The following VWA8 variants were observed in gnomAD, a reference collection of about 807,000 sequenced individuals.
VWA8 encodes the protein von Willebrand factor A domain containing 8.
VWA8 carries 221 observed loss-of-function variants against 241.5 expected under a neutral mutation model. That is an observed-to-expected ratio of 0.91 (90% CI 0.82 to 1.02). The LOEUF is 1.02. VWA8 is among the 50% of genes least tolerant of loss of function. The probability of loss-of-function intolerance (pLI) is 0.00; values close to 1 mark genes in which losing one functional copy is unlikely to be tolerated. For missense variants in VWA8, 2,322 were observed against 2,328.7 expected (o/e 1.00, Z 0.06); for synonymous variants, 852 against 827.1 (o/e 1.03, Z -0.52).
At chr13:41,711,806 G>A (rs867419862) in intron 26 of VWA8, among the ~76,000 whole-genome samples, 57 of 151,980 alleles carry the variant, frequency 3.8e-4, no homozygotes, top group Middle Eastern at 3.4e-3. Flanking sequence ...CCTGGGAGGC[G>A]GAGCTTACAG....
chr13:41,809,680 A>C (rs1205857209), intron 17 of VWA8, among the ~76,000 whole-genome samples: 1 of 152,228 alleles, frequency 6.6e-6, no homozygotes, highest in Non-Finnish European at 1.5e-5. Flanking sequence ...ACTCTCCAAG[A>C]CATTGGTCAG....
Position 41,589,497 on chromosome 13 carries a change from T to C in VWA8, c.5112+1143A>G, listed in dbSNP as rs1015459782. Among the ~76,000 whole-genome samples the C allele has an allele frequency of 4.6e-5, 7 of 152,156 alleles. No homozygotes were observed. In the East Asian group the frequency reaches 1.3e-3, roughly 29 times the overall value. On this transcript the variant is annotated intron_variant, in intron 41 of 44. Coordinates refer to ENST00000379310, the MANE Select transcript of VWA8 (RefSeq NM_015058.2). ...AGTTGATCTGTGTGGACAATCCGTGTTGGAGCTCAGAAATCGATACCCTCT... is the reference window on the plus strand; with the variant it reads ...AGTTGATCTGTGTGGACAATCCGTGCTGGAGCTCAGAAATCGATACCCTCT...
At chr13:41,960,321 C>A (rs1878551527) in intron 1 of VWA8, among the ~76,000 whole-genome samples, 1 of 152,160 alleles carries the variant, frequency 6.6e-6, no homozygotes, top group Non-Finnish European at 1.5e-5. Context: ...TTACGTGAAA[C>A]TTTAAGGAAA....
intron 2 of VWA8, among the ~76,000 whole-genome samples, chr13:41,932,288 A>C (rs530024310): frequency 6.6e-6 from 1 of 152,144 alleles, no homozygotes; most frequent in South Asian, 2.1e-4. Context: ...TTGAATGACT[A>C]TATCTATGAA....
At chr13:41,692,005 A>T in intron 30 of VWA8, 67 bp from the exon 31 acceptor site, 1 of 1,018,554 alleles carries the variant, frequency 9.8e-7, no homozygotes, top group Non-Finnish European at 1.5e-6. Context: ...CTCTTTAGCT[A>T]CTTCCCCTTA....
intron 9 of VWA8, among the ~76,000 whole-genome samples, chr13:41,874,797 A>T (rs142331318): frequency 6.6e-6 from 1 of 152,216 alleles, no homozygotes; most frequent in African/African-American, 2.4e-5. Flanking sequence ...GCCTGAACAA[A>T]TATGTTGCCA....
chr13:41,855,216 C>A (rs1244257443), intron 12 of VWA8, among the ~76,000 whole-genome samples: 1 of 151,270 alleles, frequency 6.6e-6, no homozygotes, highest in Non-Finnish European at 1.5e-5. Flanking sequence ...TTGAGAAGGG[C>A]TGAGCACCAG....
intron 37 of VWA8, among the ~76,000 whole-genome samples, chr13:41,646,713 C>T (rs1391988353): frequency 1.3e-5 from 2 of 152,168 alleles, no homozygotes; most frequent in African/African-American, 4.8e-5. Context: ...AAGCATTTTT[C>T]CTTTTTAATA....
At chr13:41,839,912 A>G (rs1163984899) in intron 12 of VWA8, among the ~76,000 whole-genome samples, 1 of 152,174 alleles carries the variant, frequency 6.6e-6, no homozygotes, top group African/African-American at 2.4e-5. Context: ...GTGAAGAAAG[A>G]CAATGGTAGC....
intron 3 of VWA8, among the ~76,000 whole-genome samples, chr13:41,910,192 C>T (rs1378327510): frequency 1.3e-5 from 2 of 152,124 alleles, no homozygotes; most frequent in East Asian, 3.8e-4. Flanking sequence ...TCTCTTAGCC[C>T]TTCTCATTTC....
chr13:41,766,794 T>C (rs2045781723), intron 20 of VWA8, among the ~76,000 whole-genome samples: 1 of 152,314 alleles, frequency 6.6e-6, no homozygotes, highest in South Asian at 2.1e-4. Context: ...TCTAGCAATG[T>C]GCCAGGTCCT....
At chr13:41,791,541 G>GCTAAC (rs1279272971) in intron 17 of VWA8, among the ~76,000 whole-genome samples, 4 of 151,696 alleles carry the variant, frequency 2.6e-5, no homozygotes, top group African/African-American at 9.7e-5. Flanking sequence ...CTTGAAACTG[G>GCTAAC]TGTGTATTTG....
chr13:41,780,800 T>A (rs1868855228), intron 19 of VWA8, among the ~76,000 whole-genome samples: 1 of 152,158 alleles, frequency 6.6e-6, no homozygotes, highest in Admixed American at 6.5e-5. Flanking sequence ...CTCAGCCTCA[T>A]CTCCTACCAC....
In VWA8 at chr13:41,727,375, AC is replaced by A. The variant is rs1223286461; in HGVS notation, c.2639-63del. The A allele has an allele frequency of 7.1e-6, 8 of 1,134,716 alleles. No individual in the cohort carries two copies. In the African/African-American group the frequency reaches 1.3e-4, roughly 18 times the overall value. The allele number at this position is 1,134,716 out of a possible 1,614,324, so 70.3% of individuals were successfully genotyped here. A position where few individuals can be genotyped will look rare whatever the true frequency, so the allele number is the denominator to read the frequency against. On this transcript the variant is annotated intron_variant, in intron 23 of 44. Transcript: ENST00000379310. The stretch of plus-strand genomic sequence containing the variant: ...TAATAATTCTTAAAAATATCAAGCA[AC>A]AATCTTTTAGATAACATAAATAGTT...
intron 41 of VWA8, among the ~76,000 whole-genome samples, chr13:41,589,092 C>T (rs1423047699): frequency 2.0e-5 from 3 of 152,074 alleles, no homozygotes; most frequent in Non-Finnish European, 4.4e-5. Context: ...ACTCTCCCTT[C>T]CCCCTACCAG....
intron 2 of VWA8, among the ~76,000 whole-genome samples, chr13:41,920,378 T>C (rs747712725): frequency 1.3e-5 from 2 of 152,052 alleles, no homozygotes; most frequent in African/African-American, 2.4e-5. Context: ...TAGAAAGTGC[T>C]TCAGAGGCAA....
intron 2 of VWA8, among the ~76,000 whole-genome samples, chr13:41,923,266 C>T (rs1876648211): frequency 6.6e-6 from 1 of 152,068 alleles, no homozygotes; most frequent in South Asian, 2.1e-4. Flanking sequence ...TGGGGAACAT[C>T]ACACACCGGG....
In VWA8 at chr13:41,764,799, G is replaced by A. The variant is rs983704992; in HGVS notation, c.2350-3595C>T. Among the ~76,000 whole-genome samples, 2 of 151,922 alleles carry A rather than the reference G, an allele frequency of 1.3e-5. 1 individual carries two copies. Among genetic ancestry groups the A allele is most frequent in the Non-Finnish European group, 2.9e-5 (2 of 67,972 alleles). On this transcript the variant is annotated intron_variant, in intron 20 of 44. Coordinates refer to ENST00000379310, the MANE Select transcript of VWA8 (RefSeq NM_015058.2). ...GGGGTTTAAGTCTGGCTAAGCCCTG[G>A]AAACCACTTAAAAGAGTTAGAACTG...
chr13:41,780,169 G>A (rs150744731), intron 19 of VWA8, among the ~76,000 whole-genome samples: 173 of 152,196 alleles, frequency 1.1e-3, no homozygotes, highest in Non-Finnish European at 1.8e-3. Context: ...GTTGAGGGAG[G>A]GCTGTGTGCA....
Sources: gnomAD v4.1 joint callset for allele counts (sites outside exome capture counted in the v4.1 genomes callset) on GRCh38, gnomAD v4.1.1 for gene constraint, MANE v1.5 for transcripts, NCBI Gene and HGNC (gene_info 2026-07-23, HGNC 2026-07-21) for gene names.